Variants in UST observed in about 807,000 individuals in gnomAD.
The protein encoded by UST is chondroitin sulfate 2-O-sulfotransferase.
UST carries 21 observed loss-of-function variants against 45.6 expected under a neutral mutation model. That is an observed-to-expected ratio of 0.46 (90% CI 0.33 to 0.66). UST has a LOEUF of 0.66. UST is among the 30% of genes least tolerant of loss of function. UST has a pLI of 0.02. For missense variants in UST, 463 were observed against 512.4 expected, an observed-to-expected ratio of 0.90 and a Z score of 0.93; for synonymous variants, 215 against 200.6, an observed-to-expected ratio of 1.07 and a Z score of -0.61.
At chr6:148,750,758 T>C (rs1775973851) in intron 1 of UST, among the ~76,000 whole-genome samples, 1 of 152,168 alleles carries the variant, frequency 6.6e-6, no homozygotes, top group Non-Finnish European at 1.5e-5. Flanking sequence ...AAGCAGCTGG[T>C]TTGCTTTAAC....
intron 5 of UST, among the ~76,000 whole-genome samples, chr6:149,001,589 G>A (rs1781551370): frequency 6.6e-6 from 1 of 152,084 alleles, no homozygotes; most frequent in African/African-American, 2.4e-5. Flanking sequence ...TCAAAGTGTT[G>A]AGATAAAAAA....
chr6:148,986,470 T>C (rs1175603384), intron 5 of UST, among the ~76,000 whole-genome samples: 1 of 152,224 alleles, frequency 6.6e-6, no homozygotes. Context: ...TTTTAGGAAT[T>C]GCGCTAGTCA....
intron 7 of UST, among the ~76,000 whole-genome samples, chr6:149,072,366 G>A (rs1418524156): frequency 6.6e-6 from 1 of 152,140 alleles, no homozygotes; most frequent in Non-Finnish European, 1.5e-5. Flanking sequence ...AAGGAATGAA[G>A]TTCTGGGCCA....
intron 1 of UST, among the ~76,000 whole-genome samples, chr6:148,870,008 C>T (rs929205080): frequency 6.6e-6 from 1 of 152,214 alleles, no homozygotes; most frequent in Non-Finnish European, 1.5e-5. Context: ...AGAATTATTT[C>T]ATTCATAGAA....
intron 1 of UST, among the ~76,000 whole-genome samples, chr6:148,789,869 A>G (rs1005698778): frequency 1.3e-5 from 2 of 152,082 alleles, no homozygotes; most frequent in African/African-American, 4.8e-5. Context: ...AATTGCTGGG[A>G]TTACAAGCAT....
At chr6:148,965,544 G>C (rs539405315) in intron 5 of UST, among the ~76,000 whole-genome samples, 2 of 152,336 alleles carry the variant, frequency 1.3e-5, no homozygotes, top group South Asian at 4.1e-4. Flanking sequence ...CTGGAGAAAA[G>C]CACCGAATCT....
At chr6:148,832,550 C>T (rs1777709268) in intron 1 of UST, among the ~76,000 whole-genome samples, 1 of 152,156 alleles carries the variant, frequency 6.6e-6, no homozygotes, top group Non-Finnish European at 1.5e-5. Flanking sequence ...GTGAAATAAC[C>T]ATGTGCCGCG....
chr6:148,932,902 G>T (rs1779949223), intron 2 of UST, among the ~76,000 whole-genome samples: 1 of 152,222 alleles, frequency 6.6e-6, no homozygotes, highest in African/African-American at 2.4e-5. Context: ...GTATTGTGTA[G>T]CCCTCGGTTA....
chr6:148,891,459 T>C (rs1545840), intron 2 of UST, among the ~76,000 whole-genome samples: 30,160 of 152,222 alleles, frequency 0.2, 3,532 homozygotes, highest in South Asian at 0.31. Flanking sequence ...CTAAGCACTT[T>C]GCATGCAAAA....
At chr6:148,874,603 T>C (rs1051897163) in intron 1 of UST, among the ~76,000 whole-genome samples, 7 of 152,248 alleles carry the variant, frequency 4.6e-5, no homozygotes, top group South Asian at 4.1e-4. Flanking sequence ...TTTAAGCAGA[T>C]ATTTTTGTAA....
chr6:148,953,505 A>G (rs561826517), intron 3 of UST, among the ~76,000 whole-genome samples: 313 of 152,322 alleles, frequency 2.1e-3, no homozygotes, highest in Non-Finnish European at 3.8e-3. Flanking sequence ...GATATTGGCC[A>G]GGCGCGGAGG....
intron 1 of UST, among the ~76,000 whole-genome samples, chr6:148,802,521 A>G (rs903671690): frequency 1.3e-5 from 2 of 152,208 alleles, no homozygotes; most frequent in Admixed American, 6.5e-5. Flanking sequence ...ATTCAAAATT[A>G]AGGGCTAAGG....
chr6:148,796,185 C>G, intron 1 of UST, among the ~76,000 whole-genome samples: 1 of 152,100 alleles, frequency 6.6e-6, no homozygotes, highest in East Asian at 1.9e-4. Flanking sequence ...GCACTTTGCC[C>G]TTTATTTCAG....
intron 2 of UST, among the ~76,000 whole-genome samples, chr6:148,898,103 A>G (rs1394065286): frequency 6.6e-6 from 1 of 152,208 alleles, no homozygotes; most frequent in Non-Finnish European, 1.5e-5. Context: ...TTAATGATTC[A>G]TGATAAATAT....
intron 1 of UST, among the ~76,000 whole-genome samples, chr6:148,872,617 C>A (rs945789305): frequency 3.9e-5 from 6 of 152,176 alleles, no homozygotes; most frequent in African/African-American, 1.4e-4. Context: ...AATGTAGTGG[C>A]TTAAAATAAC....
intron 1 of UST, among the ~76,000 whole-genome samples, chr6:148,789,447 TCTCTCTCACA>T (rs1391725825): frequency 6.1e-5 from 8 of 130,390 alleles, no homozygotes; most frequent in East Asian, 2.6e-4. Flanking sequence ...TCTCTCTCTC[TCTCTCTCACA>T]CACACACACA....
At chr6:148,988,548 T>A (rs1006200185) in intron 5 of UST, among the ~76,000 whole-genome samples, 4 of 116,662 alleles carry the variant, frequency 3.4e-5, no homozygotes, top group African/African-American at 1.3e-4. Flanking sequence ...GACTCCAGCC[T>A]GGGTGACAGA....
intron 1 of UST, among the ~76,000 whole-genome samples, chr6:148,762,664 G>C (rs1206340535): frequency 6.6e-6 from 1 of 151,948 alleles, no homozygotes; most frequent in Admixed American, 6.6e-5. Flanking sequence ...TACACAAAAG[G>C]TAATTTTTCA....
chr6:148,749,288 A>C (rs544738300), intron 1 of UST, among the ~76,000 whole-genome samples: 19 of 152,336 alleles, frequency 1.2e-4, no homozygotes, highest in African/African-American at 4.3e-4. Context: ...AAAAGTTAAC[A>C]GTATTTTCAT....
Sources: allele counts gnomAD v4.1 joint callset (sites outside exome capture counted in the v4.1 genomes callset), GRCh38; gene constraint gnomAD v4.1.1; transcripts MANE v1.5; gene names NCBI Gene and HGNC (gene_info 2026-07-23, HGNC 2026-07-21).